Variants in GSAP observed in about 807,000 individuals in gnomAD.
GSAP encodes the protein gamma-secretase activating protein, also known as gamma-secretase-activating protein.
A neutral mutation model predicts 131.7 loss-of-function variants in GSAP; 118 were observed. That is an observed-to-expected ratio of 0.90 (90% CI 0.77 to 1.04). The LOEUF (loss-of-function observed/expected upper bound fraction) is 1.04, where lower values mean the gene tolerates loss of function less well. Ranked by LOEUF, GSAP falls within the 50% of genes least tolerant of loss-of-function variation. The pLI, the probability that GSAP is intolerant of heterozygous loss-of-function variation, is 0.00. For synonymous variants in GSAP, 381 were observed against 363.4 expected, an observed-to-expected ratio of 1.05 and a Z score of -0.55; for missense variants, 1,019 against 1,013.2, an observed-to-expected ratio of 1.01 and a Z score of -0.08.
At chr7:77,325,853 G>A (rs766364428) in intron 23 of GSAP, among the ~76,000 whole-genome samples, 3 of 152,218 alleles carry the variant, frequency 2.0e-5, no homozygotes, top group African/African-American at 7.2e-5. Flanking sequence ...TTACAGGCAT[G>A]AGCCACTGTG....
intron 8 of GSAP, among the ~76,000 whole-genome samples, chr7:77,379,021 T>C (rs908716923): frequency 6.6e-6 from 1 of 152,286 alleles, no homozygotes; most frequent in East Asian, 1.9e-4. Context: ...TGTAAACCAC[T>C]ATTTCCGCTT....
chr7:77,313,305 G>T (rs1192647353), intron 28 of GSAP, among the ~76,000 whole-genome samples, 183 bp downstream of exon 28: 1 of 152,154 alleles, frequency 6.6e-6, no homozygotes, highest in Non-Finnish European at 1.5e-5. Context: ...CAAGTGCTTT[G>T]TAGGCCAAGT....
intron 19 of GSAP, 137 bp from the exon 20 acceptor site, chr7:77,330,504 C>T (rs1259993268): frequency 1.5e-6 from 2 of 1,316,120 alleles, no homozygotes; most frequent in African/African-American, 3.1e-5. Flanking sequence ...CAGAAGATGG[C>T]ATTCTAGACC....
rs1802204043 is a variant in GSAP at position 77,406,021 on chromosome 7, A to G, written c.186+8T>C. ...ATCTTACCACAATAAAAAAGAATAT[A>G]GACATACCTTATAGGTATAAATAAT... On this transcript the variant is annotated splice_region_variant and intron_variant, in intron 2 of 30. Coordinates refer to ENST00000257626, the MANE Select transcript of GSAP (RefSeq NM_017439.4). 5 of 911,344 alleles carry G rather than the reference A, an allele frequency of 5.5e-6. No homozygotes were observed. The highest frequency in any genetic ancestry group is 6.2e-6 in the Non-Finnish European group (4 of 650,398). 56.5% of individuals were successfully genotyped at this position (911,344 alleles called of 1,614,324 possible).
intron 19 of GSAP, among the ~76,000 whole-genome samples, chr7:77,331,610 A>G (rs879777096): frequency 6.6e-6 from 1 of 152,204 alleles, no homozygotes; most frequent in Non-Finnish European, 1.5e-5. Context: ...TTTTATTCAA[A>G]AGACAGTCAT....
intron 8 of GSAP, among the ~76,000 whole-genome samples, chr7:77,378,270 T>C (rs1797257810): frequency 6.6e-6 from 1 of 151,972 alleles, no homozygotes; most frequent in Admixed American, 6.6e-5. Context: ...TTACCTGAGG[T>C]CAGGAGTTCA....
intron 5 of GSAP, among the ~76,000 whole-genome samples, chr7:77,394,185 T>C (rs73362764): frequency 0.071 from 10,788 of 152,234 alleles, 1,224 homozygotes; most frequent in African/African-American, 0.24. Flanking sequence ...CCAATTTTAC[T>C]AGGAATGAGG....
In GSAP at chr7:77,387,389, T is replaced by G. The variant is rs1798729515; in HGVS notation, c.427A>C (p.Lys143Gln). 1 of 1,600,196 alleles carries G rather than the reference T, an allele frequency of 6.2e-7. No individual in the cohort carries two copies. The highest frequency in any genetic ancestry group is 1.3e-5 in the African/African-American group (1 of 74,656). The change falls in exon 6 of 31, where the codon AAG becomes CAG. Residue 143 changes from lysine to glutamine, a missense_variant. By Grantham distance (53) the Lys-to-Gln change is moderately conservative (BLOSUM62 1). Coordinates refer to ENST00000257626, the MANE Select transcript of GSAP (RefSeq NM_017439.4). ...IHPVNNVKVLKAVDSYIWVQF... is the reference protein window; with the variant it reads ...IHPVNNVKVLQAVDSYIWVQF... ...ACCCAAATATAGCTATCCACAGCCT[T>G]TAGAACCTTCACATTGTTAACAGGG... is the stretch of plus-strand genomic sequence containing the variant.
chr7:77,328,350 TAAG>T (rs1034867087), intron 22 of GSAP: 154 of 1,236,166 alleles, frequency 1.2e-4, no homozygotes, highest in Admixed American at 1.6e-4. Context: ...TGACAGGAAA[TAAG>T]GAGAACCGCA....
rs769676901 is a variant in GSAP at position 77,404,271 on chromosome 7, G to A, written c.243+288C>T. Among the ~76,000 whole-genome samples the A allele has an allele frequency of 1.5e-4, 23 of 152,116 alleles. No homozygotes were observed. In the East Asian group the frequency reaches 1.7e-3, roughly 11 times the overall value. ...GTTTTACCTACTGCTTTCCCACACC[G>A]ATGAGATCTGCCAGCTCCTGGAAAC... is the stretch of plus-strand genomic sequence containing the variant. On this transcript the variant is annotated intron_variant, in intron 3 of 30. Coordinates refer to ENST00000257626, the MANE Select transcript of GSAP (RefSeq NM_017439.4).
chr7:77,381,785 T>C (rs376299607), intron 7 of GSAP, among the ~76,000 whole-genome samples: 93 of 152,046 alleles, frequency 6.1e-4, no homozygotes, highest in Middle Eastern at 3.4e-3. Context: ...ATACAAGACA[T>C]TTTGGGGAAG....
chr7:77,402,942 T>A (rs1159895713), intron 3 of GSAP, among the ~76,000 whole-genome samples: 1 of 152,160 alleles, frequency 6.6e-6, no homozygotes, highest in Non-Finnish European at 1.5e-5. Flanking sequence ...TCACTATCAA[T>A]CCAGTGAAAA....
chr7:77,372,925 C>T (rs1563056346), intron 12 of GSAP, among the ~76,000 whole-genome samples: 1 of 152,148 alleles, frequency 6.6e-6, no homozygotes, highest in South Asian at 2.1e-4. Flanking sequence ...TGAAATACCA[C>T]GTCCTTGAGC....
intron 20 of GSAP, 102 bp from the exon 21 acceptor site, chr7:77,329,493 G>A: frequency 2.0e-6 from 1 of 506,872 alleles, no homozygotes; most frequent in Middle Eastern, 2.9e-4. Flanking sequence ...TCAGAGAGAA[G>A]AAATATACTT....
chr7:77,398,320 T>C (rs574187324), intron 3 of GSAP, among the ~76,000 whole-genome samples: 6 of 152,310 alleles, frequency 3.9e-5, no homozygotes, highest in African/African-American at 9.6e-5. Context: ...TAGGGAACAA[T>C]TGATTACAGA....
chr7:77,408,525 C>T (rs886125226), intron 1 of GSAP, among the ~76,000 whole-genome samples: 1 of 151,528 alleles, frequency 6.6e-6, no homozygotes, highest in Admixed American at 6.6e-5. Context: ...ATGGTGAAAC[C>T]CAATCTCTAC....
chr7:77,336,292 G>A lies in GSAP; in HGVS notation c.1546-5925C>T, dbSNP rs186515272. On this transcript the variant is annotated intron_variant, in intron 19 of 30. Transcript: ENST00000257626. ...GCTCTTTCCCTCCTCTCAGTCTTGA[G>A]AATGAAAAACACCTGTCCCCAACCA... 2.0e-5 allele frequency among the ~76,000 whole-genome samples: 3 copies of A among 152,196 alleles called. 1 individual carries two copies. The East Asian group carries it at 5.8e-4, about 29-fold the overall frequency.
At position 77,382,615 on chromosome 7, in the gene GSAP, G is replaced by C. The variant is rs185929717; in HGVS notation, c.485C>G (p.Pro162Arg). 1.9e-6 allele frequency: 3 copies of C among 1,567,472 alleles called. No homozygotes were observed. Among genetic ancestry groups the C allele is most frequent in the African/African-American group, 1.4e-5 (1 of 74,058 alleles). Reference protein sequence around the residue: ...QFLYPHIESHPLPENHLLLIS... With the variant: ...QFLYPHIESHRLPENHLLLIS... The stretch of plus-strand genomic sequence containing the variant: ...CAGTAACAGATGGTTCTCTGGAAGA[G>C]GATGACTTTCAATATGTGGGTAGAG... The change falls in exon 7 of 31, where the codon CCT (proline) becomes CGT (arginine). Residue 162 changes from proline (P) to arginine (R), a missense_variant. By Grantham distance (103) the Pro-to-Arg change is moderately radical. Transcript: ENST00000257626.
intron 15 of GSAP, 59 bp from the exon 16 acceptor site, chr7:77,355,489 CAT>C: frequency 6.7e-7 from 1 of 1,498,122 alleles, no homozygotes; most frequent in East Asian, 2.3e-5. Context: ...TTCACCCAAA[CAT>C]AGATATTAAA....
Sources: allele counts gnomAD v4.1 joint callset (sites outside exome capture counted in the v4.1 genomes callset), GRCh38; gene constraint gnomAD v4.1.1; transcripts MANE v1.5; gene names NCBI Gene and HGNC (gene_info 2026-07-23, HGNC 2026-07-21).